Variants in TARBP1 observed in about 807,000 individuals in gnomAD.
TARBP1 encodes the protein tRNA guanosine 2 -O-methyltransferase TARBP1.
A neutral mutation model predicts 178.6 loss-of-function variants in TARBP1; 144 were observed. That is an observed-to-expected ratio of 0.81 (90% CI 0.70 to 0.93). The LOEUF is 0.93. Ranked by LOEUF, TARBP1 falls within the 40% of genes least tolerant of loss-of-function variation. The probability of loss-of-function intolerance (pLI) is 0.00; values close to 1 mark genes in which losing one functional copy is unlikely to be tolerated. For missense variants in TARBP1, 2,067 were observed against 2,011.7 expected (o/e 1.03, Z -0.53); for synonymous variants, 787 against 781.0 (o/e 1.01, Z -0.13).
rs894322765 is a variant in TARBP1 at position 234,463,944 on chromosome 1, G to C, written c.1302-10C>G. The C allele has an allele frequency of 1.3e-6, 2 of 1,531,128 alleles. No homozygotes were observed. The highest frequency in any genetic ancestry group is 2.3e-5 in the East Asian group (1 of 42,674). The allele number at this position is 1,531,128 out of a possible 1,614,324, so 94.8% of individuals were successfully genotyped here. On this transcript the variant is annotated splice_polypyrimidine_tract_variant and intron_variant, in intron 5 of 29. Transcript: ENST00000040877. ...TGGCTGGCCTGGGGACCTACAAACA[G>C]AGAGTGGGGAAAACAAATATTTAAC...
intron 1 of TARBP1, among the ~76,000 whole-genome samples, chr1:234,477,264 A>G (rs56099847): frequency 0.12 from 18,022 of 152,250 alleles, 1,769 homozygotes; most frequent in African/African-American, 0.27. Context: ...GATGATTTAA[A>G]AAATGTTTTC....
chr1:234,401,926 G>A (rs1222341499), intron 24 of TARBP1, among the ~76,000 whole-genome samples: 1 of 152,010 alleles, frequency 6.6e-6, no homozygotes, highest in Non-Finnish European at 1.5e-5. Context: ...TTACCCACCT[G>A]TCCTCTTTTC....
chr1:234,423,734 T>A (rs1400148066), intron 20 of TARBP1, among the ~76,000 whole-genome samples: 1 of 148,492 alleles, frequency 6.7e-6, no homozygotes, highest in Non-Finnish European at 1.5e-5. Flanking sequence ...CTGACCCCTC[T>A]CTCTTTTTTC....
chr1:234,418,633 G>A (rs2103088982), intron 21 of TARBP1, among the ~76,000 whole-genome samples: 1 of 152,294 alleles, frequency 6.6e-6, no homozygotes, highest in South Asian at 2.1e-4. Flanking sequence ...GTCAGCAGGT[G>A]GGAAACAGCA....
At chr1:234,468,349 G>C (rs756707429) in intron 3 of TARBP1, among the ~76,000 whole-genome samples, 2 of 152,082 alleles carry the variant, frequency 1.3e-5, no homozygotes, top group East Asian at 1.9e-4. Flanking sequence ...AGCTACTGGT[G>C]GGGGAGGGAC....
At chr1:234,415,656 T>TA (rs970218460) in intron 22 of TARBP1, among the ~76,000 whole-genome samples, 6 of 152,200 alleles carry the variant, frequency 3.9e-5, no homozygotes, top group African/African-American at 1.4e-4. Context: ...ACTTACAACT[T>TA]AGAGAAGCAG....
At chr1:234,391,908 A>G (rs948774761) in intron 29 of TARBP1, among the ~76,000 whole-genome samples, 163 bp from the exon 30 acceptor site, 2 of 152,226 alleles carry the variant, frequency 1.3e-5, no homozygotes, top group East Asian at 3.8e-4. Flanking sequence ...GTACCGGGAA[A>G]TAAATAAGAG....
Position 234,472,806 on chromosome 1 carries a change from T to G in TARBP1, c.937A>C (p.Ser313Arg). 6.3e-7 allele frequency: 1 copy of G among 1,594,146 alleles called. No homozygotes were observed. Among genetic ancestry groups the G allele is most frequent in the Non-Finnish European group, 8.5e-7 (1 of 1,174,994 alleles). Residue 313 changes from serine (S) to arginine (R), a missense_variant, in exon 2 of 30, where the codon AGT (serine) becomes CGT (arginine). Transcript: ENST00000040877. Reference protein sequence around the residue: ...TCGPQEGNGPSLFWWSERKKD... With the variant: ...TCGPQEGNGPRLFWWSERKKD... ...TTCCTCTCAGACCACCAAAACAGAC[T>G]TGGGCCTGATATGGTTTAAAAAAGA...
chr1:234,391,823 T>C, intron 29 of TARBP1, 78 bp from the exon 30 acceptor site: 1 of 1,437,226 alleles, frequency 7.0e-7, no homozygotes, highest in Non-Finnish European at 9.5e-7. Context: ...TTATTTTTTG[T>C]TTATTCACTT....
intron 23 of TARBP1, among the ~76,000 whole-genome samples, chr1:234,409,529 G>A (rs1661593563): frequency 6.6e-6 from 1 of 152,192 alleles, no homozygotes; most frequent in Non-Finnish European, 1.5e-5. Context: ...AGATGTGAAC[G>A]AGTTTTCCTG....
chr1:234,411,517 A>C (rs976763747), intron 22 of TARBP1, among the ~76,000 whole-genome samples: 1 of 152,238 alleles, frequency 6.6e-6, no homozygotes. Flanking sequence ...CAGATAAGTG[A>C]ACAAGAACAA....
chr1:234,391,605 A>C lies in TARBP1; in HGVS notation c.4838T>G (p.Leu1613Arg). The C allele has an allele frequency of 6.2e-7, 1 of 1,613,080 alleles. No individual in the cohort carries two copies. Among genetic ancestry groups the C allele is most frequent in the Non-Finnish European group, 8.5e-7 (1 of 1,179,656 alleles). Residue 1613 changes from leucine to arginine, a missense_variant, in exon 30 of 30, where the codon CTG becomes CGG. Transcript: ENST00000040877. ...LLIWEYTRQQ[L>R]LSHGDTKP ...TGGCTTGGTATCTCCGTGCGAGAGCAGCTGCTGCCTGGTGTACTCCCAGAT... is the reference window on the plus strand; with the variant it reads ...TGGCTTGGTATCTCCGTGCGAGAGCCGCTGCTGCCTGGTGTACTCCCAGAT...
intron 6 of TARBP1, 68 bp downstream of exon 6, chr1:234,463,769 C>A: frequency 5.8e-6 from 5 of 856,554 alleles, no homozygotes; most frequent in Admixed American, 3.6e-5. Context: ...TGCTTATAAC[C>A]AATTTGCTAA....
intron 25 of TARBP1, among the ~76,000 whole-genome samples, chr1:234,400,484 C>T (rs1660568985): frequency 6.6e-6 from 1 of 152,186 alleles, no homozygotes; most frequent in Middle Eastern, 3.4e-3. Flanking sequence ...TCTTAGTAAT[C>T]CACCAAAAAA....
In TARBP1 at chr1:234,391,488, A is replaced by G; in HGVS notation, c.*89T>C. On this transcript the variant is annotated 3_prime_UTR_variant, in exon 30 of 30. Transcript: ENST00000040877. ...CAAGAAAAAAGAAATACAAATTATC[A>G]CAATAAATTTCAGAATCTGTTTCTT... 1 of 1,360,450 alleles carries G rather than the reference A, an allele frequency of 7.4e-7. No homozygotes were observed. Among genetic ancestry groups the G allele is most frequent in the South Asian group, 1.7e-5 (1 of 58,174 alleles). 84.3% of individuals were successfully genotyped at this position (1,360,450 alleles called of 1,614,324 possible). A position where few individuals can be genotyped will look rare whatever the true frequency, so the allele number is the denominator to read the frequency against.
chr1:234,460,187 C>T, intron 7 of TARBP1, 74 bp downstream of exon 7: 6 of 1,469,034 alleles, frequency 4.1e-6, no homozygotes, highest in Non-Finnish European at 5.5e-6. Flanking sequence ...TAGATTAAAG[C>T]AGAGGAGAAA....
intron 1 of TARBP1, 78 bp from the exon 2 acceptor site, chr1:234,472,889 A>G: frequency 9.8e-7 from 1 of 1,025,510 alleles, no homozygotes; most frequent in Non-Finnish European, 1.5e-6. Context: ...AGTTCTTAAA[A>G]TAATGCCACT....
chr1:234,472,661 AAAAG>A (rs1459209377), intron 2 of TARBP1, 49 bp downstream of exon 2: 12 of 1,291,730 alleles, frequency 9.3e-6, no homozygotes, highest in Non-Finnish European at 1.2e-5. Context: ...ATGTTTTTAA[AAAAG>A]AAAAATTGTT....
In TARBP1 at chr1:234,479,054, C is replaced by A. The variant is rs1284923899; in HGVS notation, c.50G>T (p.Arg17Leu). 3 of 1,539,424 alleles carry A rather than the reference C, an allele frequency of 1.9e-6. No homozygotes were observed. The highest frequency in any genetic ancestry group is 2.6e-6 in the Non-Finnish European group (3 of 1,156,148). ...EALLSQSRDP[R>L]ALLGALCQGE... is the part of the protein sequence containing the mutation. Reference sequence around the variant, plus strand: ...TTGGCACAGCGCCCCAAGCAGGGCCCGGGGGTCCCGGCTCTGCGAGAGCAG... The same window carrying A: ...TTGGCACAGCGCCCCAAGCAGGGCCAGGGGGTCCCGGCTCTGCGAGAGCAG... The change falls in exon 1 of 30, where the codon CGG becomes CTG. Residue 17 changes from arginine (R) to leucine (L), a missense_variant. Physicochemically the swap from Arg to Leu is moderately radical, Grantham distance 102. Transcript: ENST00000040877.
Sources: allele counts gnomAD v4.1 joint callset (sites outside exome capture counted in the v4.1 genomes callset), GRCh38; gene constraint gnomAD v4.1.1; transcripts MANE v1.5; gene names NCBI Gene and HGNC (gene_info 2026-07-23, HGNC 2026-07-21).